NRXN1: variants seen among roughly 807,000 people sequenced by gnomAD.
The protein encoded by NRXN1 is neurexin 1.
In NRXN1, 39 loss-of-function variants were observed where a neutral mutation model predicts 150.9. The ratio of observed to expected loss-of-function variants is 0.26; its 90% CI spans 0.20 to 0.34. NRXN1 has a LOEUF of 0.34. NRXN1 is among the 10% of genes least tolerant of loss of function. The pLI is 1.00. For missense variants in NRXN1, 1,815 were observed against 1,949.9 expected, an observed-to-expected ratio of 0.93 and a Z score of 1.30; for synonymous variants, 924 against 757.0, an observed-to-expected ratio of 1.22 and a Z score of -3.62.
intron 5 of NRXN1, among the ~76,000 whole-genome samples, chr2:50,787,033 C>G (rs542336579): frequency 6.6e-6 from 1 of 152,132 alleles, no homozygotes; most frequent in Non-Finnish European, 1.5e-5. Context: ...GCTGTTTTAG[C>G]ATTACTAACA....
chr2:49,959,558 G>A (rs79342937), intron 21 of NRXN1, among the ~76,000 whole-genome samples: 55 of 152,300 alleles, frequency 3.6e-4, no homozygotes, highest in African/African-American at 1.3e-3. Context: ...TCTGCTGCAT[G>A]GGCATTGGAG....
intron 21 of NRXN1, among the ~76,000 whole-genome samples, chr2:50,017,921 T>C (rs7579486): frequency 0.047 from 7,100 of 152,222 alleles, 550 homozygotes; most frequent in African/African-American, 0.16. Flanking sequence ...ATTTTCAGGA[T>C]CTTTTCCCAG....
chr2:49,976,052 T>A (rs1204045204), intron 21 of NRXN1, among the ~76,000 whole-genome samples: 1 of 144,438 alleles, frequency 6.9e-6, no homozygotes, highest in African/African-American at 2.6e-5. Flanking sequence ...AGATGGAGTC[T>A]TGCTCTGTCA....
intron 18 of NRXN1, among the ~76,000 whole-genome samples, chr2:50,097,949 A>G (rs951328933): frequency 2.0e-5 from 3 of 152,052 alleles, no homozygotes; most frequent in Admixed American, 2.0e-4. Context: ...ACCCAAATAC[A>G]TTTCTAAGTG....
chr2:50,951,196 CAAAAGGGGATGAGAT>C (rs1228497853), intron 2 of NRXN1, among the ~76,000 whole-genome samples: 4 of 151,932 alleles, frequency 2.6e-5, no homozygotes, highest in Non-Finnish European at 1.5e-5. Context: ...ACCTGAGGGA[CAAAAGGGGATGAGAT>C]GAGAGGAGAT....
chr2:50,796,638 G>C (rs1706870887), intron 5 of NRXN1, among the ~76,000 whole-genome samples: 1 of 152,138 alleles, frequency 6.6e-6, no homozygotes, highest in African/African-American at 2.4e-5. Context: ...CAACATTAAG[G>C]AGTTTCTGTG....
chr2:50,329,684 T>TTC lies in NRXN1; in HGVS notation c.3365-92715_3365-92714insGA, dbSNP rs2076703803. Among the ~76,000 whole-genome samples, 3 of 86,506 alleles carry TTC rather than the reference T, an allele frequency of 3.5e-5. 1 individual carries two copies. Among genetic ancestry groups the TTC allele is most frequent in the Non-Finnish European group, 6.8e-5 (3 of 43,852 alleles). 56.8% of individuals were successfully genotyped at this position (86,506 alleles called of 152,430 possible). A position where few individuals can be genotyped will look rare whatever the true frequency, so the allele number is the denominator to read the frequency against. On this transcript the variant is annotated intron_variant, in intron 17 of 22. Coordinates refer to ENST00000401669, the MANE Select transcript of NRXN1 (RefSeq NM_001330078.2). ...ATATATATATATATATTTTTTTTTT[T>TTC]CCCCCCCGAGACGGAGTCTCACTCT...
intron 18 of NRXN1, among the ~76,000 whole-genome samples, chr2:50,130,764 AAAGGCTTT>A (rs1415996746): frequency 6.6e-6 from 1 of 152,184 alleles, no homozygotes; most frequent in African/African-American, 2.4e-5. Context: ...TGACCTCCGA[AAAGGCTTT>A]AAGTTCATTT....
chr2:50,833,134 T>G (rs1341725973), intron 5 of NRXN1, among the ~76,000 whole-genome samples: 1 of 152,186 alleles, frequency 6.6e-6, no homozygotes, highest in East Asian at 1.9e-4. Context: ...AACACCATGT[T>G]CTATACATAT....
intron 17 of NRXN1, among the ~76,000 whole-genome samples, chr2:50,263,673 A>G (rs1448330900): frequency 6.6e-6 from 1 of 152,146 alleles, no homozygotes; most frequent in African/African-American, 2.4e-5. Context: ...ATAAATAAAG[A>G]GAAGAATAAA....
At chr2:50,192,872 G>C (rs2061535648) in intron 18 of NRXN1, among the ~76,000 whole-genome samples, 1 of 152,280 alleles carries the variant, frequency 6.6e-6, no homozygotes, top group East Asian at 1.9e-4. Context: ...GGCAGGCTGG[G>C]ATTAGAGGTG....
intron 21 of NRXN1, among the ~76,000 whole-genome samples, chr2:49,972,506 T>C (rs1048695642): frequency 1.3e-5 from 2 of 152,238 alleles, no homozygotes; most frequent in African/African-American, 4.8e-5. Flanking sequence ...CTATAGATGC[T>C]TGAATCATCC....
At chr2:50,154,252 G>A (rs994529315) in intron 18 of NRXN1, among the ~76,000 whole-genome samples, 3 of 151,564 alleles carry the variant, frequency 2.0e-5, no homozygotes, top group Non-Finnish European at 4.4e-5. Flanking sequence ...TACGCATTGA[G>A]TACAATGTAT....
intron 5 of NRXN1, among the ~76,000 whole-genome samples, chr2:50,635,890 C>A (rs576187249): frequency 2.0e-4 from 31 of 152,080 alleles, no homozygotes; most frequent in Admixed American, 2.0e-3. Context: ...TACTTAAATT[C>A]TTTTCTTTCA....
chr2:50,879,023 T>C (rs1166220751), intron 5 of NRXN1, among the ~76,000 whole-genome samples: 1 of 151,988 alleles, frequency 6.6e-6, no homozygotes, highest in Non-Finnish European at 1.5e-5. Context: ...GGTCAAACAC[T>C]GGTCTAGATG....
chr2:49,994,034 CCTAA>C (rs969874493), intron 21 of NRXN1, among the ~76,000 whole-genome samples: 18 of 152,138 alleles, frequency 1.2e-4, no homozygotes, highest in African/African-American at 4.3e-4. Context: ...ACAGAAACTG[CCTAA>C]CTAAGTATAG....
At chr2:50,743,450 T>C (rs1391275431) in intron 5 of NRXN1, among the ~76,000 whole-genome samples, 2 of 152,166 alleles carry the variant, frequency 1.3e-5, no homozygotes, top group Non-Finnish European at 2.9e-5. Context: ...GAGTTTATGT[T>C]AGCTGGGAAA....
chr2:50,457,215 G>C (rs1036901888), intron 17 of NRXN1, among the ~76,000 whole-genome samples: 3 of 152,092 alleles, frequency 2.0e-5, no homozygotes, highest in Admixed American at 2.0e-4. Context: ...TGCCAACTGA[G>C]CAGTTGAGGG....
intron 5 of NRXN1, among the ~76,000 whole-genome samples, chr2:50,839,328 C>A (rs1025949295): frequency 2.0e-5 from 3 of 151,938 alleles, no homozygotes; most frequent in Admixed American, 6.6e-5. Context: ...AATTTAAAAA[C>A]TATGATTAAA....
Sources: gnomAD v4.1 joint callset for allele counts (sites outside exome capture counted in the v4.1 genomes callset) on GRCh38, gnomAD v4.1.1 for gene constraint, MANE v1.5 for transcripts, NCBI Gene and HGNC (gene_info 2026-07-23, HGNC 2026-07-21) for gene names.